Variants in CPT1A observed in about 807,000 individuals in gnomAD.
CPT1A encodes carnitine palmitoyltransferase 1A, also known as carnitine O-palmitoyltransferase 1, liver isoform.
A neutral mutation model predicts 100.8 loss-of-function variants in CPT1A; 64 were observed. That is an observed-to-expected ratio of 0.63 (90% CI 0.52 to 0.78). The LOEUF (loss-of-function observed/expected upper bound fraction) is 0.78, where lower values mean the gene tolerates loss of function less well. Ranked by LOEUF, CPT1A falls within the 30% of genes least tolerant of loss-of-function variation. The pLI, the probability that CPT1A is intolerant of heterozygous loss-of-function variation, is 0.00. For synonymous variants in CPT1A, 363 were observed against 396.0 expected (o/e 0.92, Z 0.99); for missense variants, 802 against 1,034.1 (o/e 0.78, Z 3.08).
chr11:68,841,870 G>C lies in CPT1A; in HGVS notation c.-109C>G, dbSNP rs2154003394. ...GCGGCGAGCGGGAGCCGGGGAAGGA[G>C]GGCCGCGGGCGAGGCCGAGCGCACC... is the stretch of plus-strand genomic sequence containing the variant. On this transcript the variant is annotated 5_prime_UTR_variant, in exon 1 of 19. Transcript: ENST00000265641. This position sits in a 1 kb window ranked among gnomAD's most constrained non-coding sequence, Gnocchi z 6.3. The C allele has an allele frequency of 1.0e-6, 1 of 991,268 alleles. No individual in the cohort carries two copies. The highest frequency in any genetic ancestry group is 6.2e-5 in the Admixed American group (1 of 16,172). The allele number at this position is 991,268 out of a possible 1,614,324, so 61.4% of individuals were successfully genotyped here.
chr11:68,828,404 C>CCT (rs58570090), intron 1 of CPT1A, among the ~76,000 whole-genome samples: 2,945 of 21,390 alleles, frequency 0.14, 100 homozygotes, highest in African/African-American at 0.16. Flanking sequence ...TGGGTCAGGG[C>CCT]CCCCCACCTC....
chr11:68,810,385 G>C (rs895790628), intron 3 of CPT1A, among the ~76,000 whole-genome samples: 2 of 152,162 alleles, frequency 1.3e-5, no homozygotes, highest in Non-Finnish European at 2.9e-5. Context: ...TACCCAGGCA[G>C]ACAAGGAACC....
intron 18 of CPT1A, 104 bp downstream of exon 18, chr11:68,759,465 G>C (rs1946758849): frequency 1.3e-6 from 1 of 797,334 alleles, no homozygotes; most frequent in East Asian, 2.5e-5. Context: ...GTAAAAGCAG[G>C]CAGTTGAATT....
upstream of CPT1A, among the ~76,000 whole-genome samples, chr11:68,843,408 C>T (rs77042075): frequency 5.9e-3 from 884 of 148,588 alleles, 7 homozygotes; most frequent in Non-Finnish European, 9.6e-3. This position sits in a 1 kb window ranked among gnomAD's most constrained non-coding sequence, Gnocchi z 4.0. Context: ...CTGCGTTGGC[C>T]GTCGATGTAC....
rs903268847 is a variant in CPT1A at position 68,841,452 on chromosome 11, G to A, written c.-14+323C>T. 6.6e-6 allele frequency among the ~76,000 whole-genome samples: 1 copy of A among 151,936 alleles called. No homozygotes were observed. The highest frequency in any genetic ancestry group is 2.4e-5 in the African/African-American group (1 of 41,352). On this transcript the variant is annotated intron_variant, in intron 1 of 18. Transcript: ENST00000265641. The surrounding 1 kb of genome is among the most constrained non-coding windows in gnomAD (Gnocchi z 6.3). ...GGAGCCGGTGGCCCCGCTGGCCCCG[G>A]GCCGGAGGCGTCCAGCCAAGTCCGG...
intron 1 of CPT1A, among the ~76,000 whole-genome samples, chr11:68,826,066 C>G (rs1274099863): frequency 6.6e-6 from 1 of 152,208 alleles, no homozygotes; most frequent in Non-Finnish European, 1.5e-5. Context: ...CCCGCCTTCC[C>G]TCCCTGGCCC....
At chr11:68,765,012 G>A (rs533009741) in intron 14 of CPT1A, among the ~76,000 whole-genome samples, 30 of 152,334 alleles carry the variant, frequency 2.0e-4, no homozygotes, top group Middle Eastern at 3.4e-3. Flanking sequence ...CCTTGGGAGC[G>A]GGGGTCACAG....
intron 10 of CPT1A, among the ~76,000 whole-genome samples, chr11:68,784,034 T>C (rs1855385146): frequency 6.6e-6 from 1 of 152,144 alleles, no homozygotes; most frequent in Admixed American, 6.6e-5. Flanking sequence ...CAAGCCTGGC[T>C]AATTTTTTGG....
chr11:68,774,849 G>A (rs1204360803), intron 13 of CPT1A, among the ~76,000 whole-genome samples: 2 of 150,622 alleles, frequency 1.3e-5, no homozygotes, highest in African/African-American at 2.4e-5. Context: ...CTTGGATTAA[G>A]TGAACTAGGA....
At chr11:68,758,564 A>C (rs1202168615) in intron 18 of CPT1A, among the ~76,000 whole-genome samples, 1 of 152,010 alleles carries the variant, frequency 6.6e-6, no homozygotes, top group Admixed American at 6.6e-5. Flanking sequence ...TAAGCTTCAA[A>C]ACCATTGCTG....
intron 1 of CPT1A, among the ~76,000 whole-genome samples, chr11:68,840,282 T>C (rs539152037): frequency 7.2e-5 from 11 of 152,260 alleles, no homozygotes; most frequent in African/African-American, 1.7e-4. Flanking sequence ...CTTAAAGAAT[T>C]TGGAAAGGCC....
At chr11:68,817,800 G>T (rs1225553046) in intron 1 of CPT1A, among the ~76,000 whole-genome samples, 2 of 149,556 alleles carry the variant, frequency 1.3e-5, no homozygotes, top group Non-Finnish European at 3.0e-5. Context: ...GGCCAGCGGG[G>T]TCAAGGGCAG....
chr11:68,837,686 G>C (rs908508331), intron 1 of CPT1A, among the ~76,000 whole-genome samples: 3 of 152,134 alleles, frequency 2.0e-5, no homozygotes, highest in African/African-American at 7.2e-5. Context: ...GAAAAAGGGT[G>C]CTTCGGGCAG....
chr11:68,779,598 C>T lies in CPT1A; in HGVS notation c.1458+1042G>A, dbSNP rs113360154. The stretch of plus-strand genomic sequence containing the variant: ...ATCCCCTGTGCCCAGGAGTTCAAGA[C>T]CAGCCTGGGCAACATGGGGAAACCT... On this transcript the variant is annotated intron_variant, in intron 12 of 18. Coordinates refer to ENST00000265641, the MANE Select transcript of CPT1A (RefSeq NM_001876.4). Among the ~76,000 whole-genome samples, 714 of 150,870 alleles carry T rather than the reference C, an allele frequency of 4.7e-3. 5 individuals carry two copies. The highest frequency in any genetic ancestry group is 0.016 in the African/African-American group (675 of 41,104).
intron 9 of CPT1A, among the ~76,000 whole-genome samples, chr11:68,792,229 C>T (rs904258835): frequency 6.6e-6 from 1 of 151,966 alleles, no homozygotes; most frequent in Non-Finnish European, 1.5e-5. Context: ...CCCAGCTACT[C>T]GGGAGGCTGA....
At chr11:68,782,533 G>A (rs1855341272) in intron 10 of CPT1A, among the ~76,000 whole-genome samples, 1 of 152,186 alleles carries the variant, frequency 6.6e-6, no homozygotes, top group Non-Finnish European at 1.5e-5. Context: ...TTCCACAGAT[G>A]CCCATGTGAC....
At chr11:68,758,969 G>T (rs1946747647) in intron 18 of CPT1A, among the ~76,000 whole-genome samples, 1 of 152,100 alleles carries the variant, frequency 6.6e-6, no homozygotes, top group African/African-American at 2.4e-5. Flanking sequence ...TTCACTTATG[G>T]CTGGGCACAG....
chr11:68,759,704 CA>C, intron 17 of CPT1A, 43 bp from the exon 18 acceptor site: 1 of 1,425,032 alleles, frequency 7.0e-7, no homozygotes, highest in African/African-American at 1.4e-5. Context: ...GGAAATGAGA[CA>C]ACGTGAAAAA....
intron 1 of CPT1A, among the ~76,000 whole-genome samples, chr11:68,826,598 C>T (rs1196370870): frequency 6.1e-5 from 9 of 148,672 alleles, no homozygotes; most frequent in African/African-American, 1.7e-4. Flanking sequence ...ATTAGCCGGG[C>T]GTGGTGGCGG....
Sources: gnomAD v4.1 joint callset for allele counts (sites outside exome capture counted in the v4.1 genomes callset) on GRCh38, gnomAD v4.1.1 for gene constraint, Gnocchi (gnomAD v3.1) non-coding constraint, MANE v1.5 for transcripts, NCBI Gene and HGNC (gene_info 2026-07-23, HGNC 2026-07-21) for gene names.